RALGAPA2: variants seen among roughly 807,000 people sequenced by gnomAD.
RALGAPA2 encodes the protein ral GTPase-activating protein subunit alpha-2.
In RALGAPA2, 139 loss-of-function variants were observed where a neutral mutation model predicts 230.4. The ratio of observed to expected loss-of-function variants is 0.60; its 90% CI spans 0.53 to 0.69. The LOEUF is 0.69. RALGAPA2 is among the 30% of genes least tolerant of loss of function. The pLI is 0.00. For missense variants in RALGAPA2, 2,163 were observed against 2,276.0 expected, an observed-to-expected ratio of 0.95 and a Z score of 1.01; for synonymous variants, 847 against 837.8, an observed-to-expected ratio of 1.01 and a Z score of -0.19.
chr20:20,556,652 C>T (rs2064091629), intron 23 of RALGAPA2, among the ~76,000 whole-genome samples: 1 of 152,186 alleles, frequency 6.6e-6, no homozygotes, highest in Admixed American at 6.5e-5. Context: ...AGGGCTTCAA[C>T]AAGTTGTTGC....
At chr20:20,689,467 C>A (rs929878084) in intron 1 of RALGAPA2, among the ~76,000 whole-genome samples, 11 of 152,148 alleles carry the variant, frequency 7.2e-5, no homozygotes, top group African/African-American at 2.4e-4. Flanking sequence ...CATGGTGAAA[C>A]CCCGTCTCTA....
intron 23 of RALGAPA2, 82 bp from the exon 24 acceptor site, chr20:20,546,914 C>A: frequency 7.2e-7 from 1 of 1,381,342 alleles, no homozygotes; most frequent in Non-Finnish European, 9.6e-7. Context: ...GTACATATGA[C>A]CACTGTATAA....
At chr20:20,491,926 C>T (rs1265476598) in intron 36 of RALGAPA2, among the ~76,000 whole-genome samples, 1 of 152,010 alleles carries the variant, frequency 6.6e-6, no homozygotes, top group Non-Finnish European at 1.5e-5. Flanking sequence ...CACACAAGCA[C>T]ACCCACACTT....
intron 23 of RALGAPA2, among the ~76,000 whole-genome samples, chr20:20,560,592 A>G (rs984109570): frequency 1.3e-5 from 2 of 152,224 alleles, no homozygotes; most frequent in Non-Finnish European, 2.9e-5. Flanking sequence ...GCTTTTCTTG[A>G]CATTATATCC....
intron 37 of RALGAPA2, chr20:20,471,342 G>C (rs2061535747): frequency 6.6e-6 from 1 of 150,968 alleles, no homozygotes; most frequent in Non-Finnish European, 1.5e-5. Flanking sequence ...AGTTCAGTAA[G>C]TAGAGAAGGT....
In RALGAPA2 at chr20:20,571,533, C is replaced by T. The variant is rs750407932; in HGVS notation, c.3081G>A (p.Gln1027=). Residue 1027 remains glutamine (Q), a synonymous_variant, in exon 23 of 40, where the codon CAG becomes CAA. Coordinates refer to ENST00000202677, the MANE Select transcript of RALGAPA2 (RefSeq NM_020343.4). ...RLICAMMTRR[Q]DVLPNSDFLV... is the part of the protein sequence containing the mutation. The stretch of plus-strand genomic sequence containing the variant: ...GGAAATCTGAGTTTGGCAGAACGTC[C>T]TGGCGTCTGGTCATCATGGCACAGA... The T allele has an allele frequency of 1.9e-6, 3 of 1,612,734 alleles. No homozygotes were observed. Among genetic ancestry groups the T allele is most frequent in the Non-Finnish European group, 2.5e-6 (3 of 1,179,434 alleles).
In RALGAPA2 at chr20:20,677,628, CATTT is replaced by C. The variant is rs1289546806; in HGVS notation, c.218-1344_218-1341del. Among the ~76,000 whole-genome samples the C allele has an allele frequency of 7.8e-3, 948 of 121,718 alleles. 46 individuals carry two copies. Among genetic ancestry groups the C allele is most frequent in the African/African-American group, 0.031 (909 of 29,522 alleles). 79.9% of individuals were successfully genotyped at this position (121,718 alleles called of 152,430 possible). ...AGCAGCCAAGAATCATGATTTGACC[CATTT>C]TTTTTTTTTTTTTTTTTTTTTTTTT... On this transcript the variant is annotated intron_variant, in intron 2 of 39. Transcript: ENST00000202677.
rs1193204525 is a variant in RALGAPA2, at chr20:20,393,132, G to A, written c.*157C>T. 7.3e-7 allele frequency: 1 copy of A among 1,360,670 alleles called. No individual in the cohort carries two copies. The highest frequency in any genetic ancestry group is 9.8e-7 in the Non-Finnish European group (1 of 1,019,352). The allele number at this position is 1,360,670 out of a possible 1,614,324, so 84.3% of individuals were successfully genotyped here. A position where few individuals can be genotyped will look rare whatever the true frequency, so the allele number is the denominator to read the frequency against. On this transcript the variant is annotated 3_prime_UTR_variant, in exon 40 of 40. Transcript: ENST00000202677. ...AAGACCTGCTGAGGGCACTAGTACA[G>A]CAACGAAATTTCCTGGAGATTCTGG...
chr20:20,620,186 G>A (rs1410314641), intron 11 of RALGAPA2, among the ~76,000 whole-genome samples: 4 of 152,182 alleles, frequency 2.6e-5, no homozygotes, highest in African/African-American at 9.7e-5. Context: ...AAAATATGAT[G>A]GCTTATTAAA....
intron 24 of RALGAPA2, among the ~76,000 whole-genome samples, chr20:20,537,293 T>A (rs1184102690): frequency 6.6e-6 from 1 of 152,104 alleles, no homozygotes. Flanking sequence ...GTGAGATACT[T>A]TTATTTGCCC....
intron 10 of RALGAPA2, among the ~76,000 whole-genome samples, chr20:20,624,056 G>A (rs2066408470): frequency 6.6e-6 from 1 of 152,152 alleles, no homozygotes; most frequent in Non-Finnish European, 1.5e-5. Context: ...GCTGGACGCG[G>A]TAGCTCAGGC....
intron 27 of RALGAPA2, among the ~76,000 whole-genome samples, chr20:20,531,050 C>T (rs1474458964): frequency 6.6e-6 from 1 of 152,232 alleles, no homozygotes; most frequent in East Asian, 1.9e-4. Context: ...CACAGATCTG[C>T]TTTTATTGCT....
chr20:20,405,266 A>C (rs2059921787), intron 38 of RALGAPA2, among the ~76,000 whole-genome samples: 1 of 152,224 alleles, frequency 6.6e-6, no homozygotes, highest in African/African-American at 2.4e-5. Context: ...TTTGGAGGAA[A>C]CTTATCTGAG....
At chr20:20,697,888 G>C (rs572557116) in intron 1 of RALGAPA2, among the ~76,000 whole-genome samples, 2 of 152,304 alleles carry the variant, frequency 1.3e-5, no homozygotes, top group African/African-American at 4.8e-5. Flanking sequence ...TAAGTACCCT[G>C]ACCACATACA....
chr20:20,505,311 T>C, intron 34 of RALGAPA2, 100 bp downstream of exon 34: 5 of 1,299,290 alleles, frequency 3.8e-6, no homozygotes, highest in Non-Finnish European at 4.0e-6. Flanking sequence ...TATGCTATAT[T>C]TGAATGCAAA....
chr20:20,692,157 T>G (rs2068936705), intron 1 of RALGAPA2, among the ~76,000 whole-genome samples: 1 of 152,160 alleles, frequency 6.6e-6, no homozygotes, highest in African/African-American at 2.4e-5. Context: ...AATTACCCAT[T>G]ATTCCTTTAT....
rs1411339207 is a variant in RALGAPA2, at chr20:20,458,852, AGACC to A, written c.5495+13973_5495+13976del. 8.5e-3 allele frequency among the ~76,000 whole-genome samples: 1,131 copies of A among 132,948 alleles called. 26 individuals carry two copies. The highest frequency in any genetic ancestry group is 0.031 in the East Asian group (121 of 3,870). The allele number at this position is 132,948 out of a possible 152,430, so 87.2% of individuals were successfully genotyped here. ...TATATATATAGACCTATATATATAT[AGACC>A]TATATATATATATATATATACACAC... On this transcript the variant is annotated intron_variant, in intron 37 of 39. Transcript: ENST00000202677.
At chr20:20,583,790 C>T (rs573181043) in intron 19 of RALGAPA2, among the ~76,000 whole-genome samples, 1 of 152,156 alleles carries the variant, frequency 6.6e-6, no homozygotes, top group Admixed American at 6.5e-5. Context: ...TATAATAAGG[C>T]TAGGCCACAA....
intron 1 of RALGAPA2, among the ~76,000 whole-genome samples, chr20:20,708,543 T>C (rs1383289061): frequency 6.6e-6 from 1 of 152,182 alleles, no homozygotes; most frequent in African/African-American, 2.4e-5. Context: ...AAGACATGAC[T>C]TTGCTTCTCA....
Sources: gnomAD v4.1 joint callset for allele counts (sites outside exome capture counted in the v4.1 genomes callset) on GRCh38, gnomAD v4.1.1 for gene constraint, MANE v1.5 for transcripts, NCBI Gene and HGNC (gene_info 2026-07-23, HGNC 2026-07-21) for gene names.